NOTCH2NLB: variants seen among roughly 807,000 people sequenced by gnomAD.
NOTCH2NLB encodes the protein notch 2 N-terminal like B, also known as notch homolog 2 N-terminal-like protein B.
A neutral mutation model predicts 14.8 loss-of-function variants in NOTCH2NLB; 1 was observed. That is an observed-to-expected ratio of 0.07 (90% CI 0.02 to 0.32). The LOEUF (loss-of-function observed/expected upper bound fraction) is 0.32, where lower values mean the gene tolerates loss of function less well. Among genes scored for constraint, NOTCH2NLB ranks in the 10% least tolerant of loss-of-function variants. The probability of loss-of-function intolerance (pLI) is 1.00; values close to 1 mark genes in which losing one functional copy is unlikely to be tolerated. For synonymous variants in NOTCH2NLB, 6 were observed against 57.5 expected (o/e 0.10, Z 4.05); for missense variants, 11 against 155.0 (o/e 0.07, Z 4.93).
At chr1:148,674,860 A>C (rs1664824111) in intron 1 of NOTCH2NLB, among the ~76,000 whole-genome samples, 1 of 148,434 alleles carries the variant, frequency 6.7e-6, no homozygotes, top group African/African-American at 2.4e-5. Context: ...CTCTTGGTTC[A>C]AAAAAAAAAA....
intron 3 of NOTCH2NLB, among the ~76,000 whole-genome samples, chr1:148,610,373 G>GAA (rs1484773225): frequency 0.015 from 1,274 of 87,608 alleles, 2 homozygotes; most frequent in East Asian, 0.028. Flanking sequence ...AAGAAAGAAA[G>GAA]AGAAAGAAAG....
At chr1:148,615,442 A>C (rs1343482804) in intron 3 of NOTCH2NLB, among the ~76,000 whole-genome samples, 2 of 23,442 alleles carry the variant, frequency 8.5e-5, no homozygotes, top group African/African-American at 1.9e-4. Context: ...GCGCCACCGC[A>C]CCTGGCCCTG....
At chr1:148,607,726 G>C (rs1437845074) in exon 4 of NOTCH2NLB, 1 of 1,155,724 alleles carries the variant, frequency 8.7e-7, no homozygotes, top group Non-Finnish European at 1.2e-6. Context: ...GGCAGGCATC[G>C]GTCCATTGGC....
intron 1 of NOTCH2NLB, among the ~76,000 whole-genome samples, chr1:148,660,464 T>A (rs2149629496): frequency 6.8e-6 from 1 of 146,310 alleles, no homozygotes; most frequent in Admixed American, 6.8e-5. Flanking sequence ...AGAATAATGA[T>A]CCAGTTATAT....
At chr1:148,639,525 G>A in intron 2 of NOTCH2NLB, among the ~76,000 whole-genome samples, 1 of 71,680 alleles carries the variant, frequency 1.4e-5, no homozygotes, top group South Asian at 5.5e-4. Context: ...CAATGATGTG[G>A]TCTCAGCTCA....
At chr1:148,628,302 C>A (rs1480844672) in intron 2 of NOTCH2NLB, among the ~76,000 whole-genome samples, 1 of 125,182 alleles carries the variant, frequency 8.0e-6, no homozygotes, top group Non-Finnish European at 1.6e-5. Flanking sequence ...ATAGCATGAA[C>A]TGCTAGATTC....
At chr1:148,651,144 G>GAAAAAA (rs1159790526) in intron 1 of NOTCH2NLB, among the ~76,000 whole-genome samples, 6 of 76,508 alleles carry the variant, frequency 7.8e-5, no homozygotes, top group African/African-American at 2.2e-4. Context: ...CTCTGCCTGA[G>GAAAAAA]AAAAAAAAAA....
At chr1:148,605,358 T>C (rs1173690043), downstream of NOTCH2NLB, among the ~76,000 whole-genome samples, 4 of 143,046 alleles carry the variant, frequency 2.8e-5, no homozygotes, top group South Asian at 2.2e-4. Flanking sequence ...CCTGGCACAG[T>C]TCCTGAGTCA....
At chr1:148,651,156 A>ATATATATATATAT (rs1422306675) in intron 1 of NOTCH2NLB, among the ~76,000 whole-genome samples, 1 of 80,270 alleles carries the variant, frequency 1.2e-5, no homozygotes, top group African/African-American at 4.8e-5. Flanking sequence ...AAAAAAAAAA[A>ATATATATATATAT]AAAAAAATAT....
upstream of NOTCH2NLB, among the ~76,000 whole-genome samples, chr1:148,679,925 AGTCACTGGCCCC>A (rs1372973698): frequency 3.7e-5 from 2 of 54,524 alleles, no homozygotes; most frequent in East Asian, 3.3e-3. Flanking sequence ...ATCTACTACG[AGTCACTGGCCCC>A]GTCCGCATCC....
chr1:148,674,772 C>G lies in NOTCH2NLB; in HGVS notation c.3+4690G>C, dbSNP rs1436265550. Among the ~76,000 whole-genome samples, 22 of 124,558 alleles carry G rather than the reference C, an allele frequency of 1.8e-4. 1 individual carries two copies. Among genetic ancestry groups the G allele is most frequent in the Non-Finnish European group, 3.9e-4 (22 of 56,422 alleles). The allele number at this position is 124,558 out of a possible 152,430, so 81.7% of individuals were successfully genotyped here. On this transcript the variant is annotated intron_variant, in intron 1 of 4. Transcript: ENST00000593495. Reference sequence around the variant, plus strand: ...TCAAAATCATGTGGCAGAGACAACTCAACACCATGTGATTCTCTCAAATAT... The same window carrying G: ...TCAAAATCATGTGGCAGAGACAACTGAACACCATGTGATTCTCTCAAATAT...
chr1:148,627,869 C>CA, intron 2 of NOTCH2NLB, among the ~76,000 whole-genome samples: 1 of 136,672 alleles, frequency 7.3e-6, no homozygotes, highest in East Asian at 2.6e-4. Context: ...AGTGCAGAAG[C>CA]AAAAGGTCAA....
At chr1:148,610,368 A>AGAAAGAAAGAAG (rs1663658236) in intron 3 of NOTCH2NLB, among the ~76,000 whole-genome samples, 2 of 120,720 alleles carry the variant, frequency 1.7e-5, no homozygotes, top group Non-Finnish European at 3.5e-5. Context: ...AAAGAAAGAA[A>AGAAAGAAAGAAG]GAAAGAGAAA....
chr1:148,633,112 T>G lies in NOTCH2NLB; in HGVS notation c.77+6904A>C, dbSNP rs1664141771. On this transcript the variant is annotated intron_variant, in intron 2 of 4. Transcript: ENST00000593495. ...CAGTGTTTTAATCATATTCCTGATCTGAAAAGTCCCCTTTTTGTATACTTT... is the reference window on the plus strand; with the variant it reads ...CAGTGTTTTAATCATATTCCTGATCGGAAAAGTCCCCTTTTTGTATACTTT... Among the ~76,000 whole-genome samples, 2 of 126,202 alleles carry G rather than the reference T, an allele frequency of 1.6e-5. 1 individual carries two copies. Among genetic ancestry groups the G allele is most frequent in the South Asian group, 5.3e-4 (2 of 3,750 alleles). 82.8% of individuals were successfully genotyped at this position (126,202 alleles called of 152,430 possible).
At chr1:148,703,264 T>A in the NOTCH2NLB span, among the ~76,000 whole-genome samples, 1 of 125,724 alleles carries the variant, frequency 8.0e-6, no homozygotes, top group Non-Finnish European at 1.7e-5. Flanking sequence ...CACTCCAGCC[T>A]GGGCAACAGA....
At chr1:148,622,117 TC>T (rs1219825124) in intron 2 of NOTCH2NLB, among the ~76,000 whole-genome samples, 1 of 87,264 alleles carries the variant, frequency 1.1e-5, no homozygotes, top group Non-Finnish European at 2.1e-5. Context: ...ACACCAGTAA[TC>T]TCAGCACTTT....
At chr1:148,637,554 G>A (rs1392096131) in intron 2 of NOTCH2NLB, among the ~76,000 whole-genome samples, 1 of 147,936 alleles carries the variant, frequency 6.8e-6, no homozygotes, top group Non-Finnish European at 1.5e-5. Context: ...TTACCACCCT[G>A]AATGCTATGT....
At chr1:148,651,158 A>ATATATATAT (rs1383778431) in intron 1 of NOTCH2NLB, among the ~76,000 whole-genome samples, 9 of 81,308 alleles carry the variant, frequency 1.1e-4, no homozygotes, top group African/African-American at 3.7e-4. Flanking sequence ...AAAAAAAAAA[A>ATATATATAT]AAAAATATAT....
intron 2 of NOTCH2NLB, among the ~76,000 whole-genome samples, chr1:148,622,860 C>T (rs1440721441): frequency 1.2e-5 from 1 of 83,930 alleles, no homozygotes; most frequent in Non-Finnish European, 2.0e-5. Context: ...AACTATCATT[C>T]ATTCCTTTTA....
Sources: allele counts gnomAD v4.1 joint callset (sites outside exome capture counted in the v4.1 genomes callset), GRCh38; gene constraint gnomAD v4.1.1; transcripts MANE v1.5; gene names NCBI Gene and HGNC (gene_info 2026-07-23, HGNC 2026-07-21).